Variants in ZBTB20 observed in about 807,000 individuals in gnomAD.
ZBTB20 encodes the protein zinc finger and BTB domain containing 20, also known as zinc finger and BTB domain-containing protein 20.
ZBTB20 carries 9 observed loss-of-function variants against 56.9 expected under a neutral mutation model. The ratio of observed to expected loss-of-function variants is 0.16; its 90% CI spans 0.10 to 0.28. ZBTB20 has a LOEUF of 0.28. Ranked by LOEUF, ZBTB20 falls within the 10% of genes least tolerant of loss-of-function variation. The pLI, the probability that ZBTB20 is intolerant of heterozygous loss-of-function variation, is 1.00. For missense variants in ZBTB20, 655 were observed against 1,003.0 expected (o/e 0.65, Z 4.69); for synonymous variants, 417 against 420.7 (o/e 0.99, Z 0.11).
intron 3 of ZBTB20, among the ~76,000 whole-genome samples, chr3:114,959,438 A>T (rs1269927607): frequency 6.6e-6 from 1 of 152,156 alleles, no homozygotes; most frequent in Non-Finnish European, 1.5e-5. Context: ...TGCCCACTGG[A>T]GTATACAGTT....
intron 2 of ZBTB20, among the ~76,000 whole-genome samples, chr3:115,035,544 A>AACAC (rs111286494): frequency 2.5e-3 from 371 of 147,956 alleles, no homozygotes; most frequent in African/African-American, 5.4e-3. Context: ...GCTACTATCA[A>AACAC]ACACACACAC....
chr3:114,560,510 A>C (rs948126519), intron 6 of ZBTB20, among the ~76,000 whole-genome samples: 1 of 152,208 alleles, frequency 6.6e-6, no homozygotes, highest in African/African-American at 2.4e-5. Context: ...CTTGGTAATG[A>C]GGGGTAAAAC....
rs574970549 is a variant in ZBTB20 at position 115,131,680 on chromosome 3, A to C, written c.-703+15539T>G. 5.3e-5 allele frequency among the ~76,000 whole-genome samples: 8 copies of C among 152,334 alleles called. No individual in the cohort carries two copies. In the South Asian group the frequency reaches 1.7e-3, roughly 32 times the overall value. On this transcript the variant is annotated intron_variant, in intron 1 of 11. Transcript: ENST00000675478. Reference sequence around the variant, plus strand: ...TATTTGCAAATCATATGCAAATTATAATTTTAATAGGTTTTTGGTAGTCTT... The same window carrying C: ...TATTTGCAAATCATATGCAAATTATCATTTTAATAGGTTTTTGGTAGTCTT...
In ZBTB20 at chr3:114,753,388, C is replaced by CGT. The variant is rs1560209627; in HGVS notation, c.-343+47712_-343+47713insAC. ...TGTATATATAATGTATATACACATA[C>CGT]ATGTATGTATATATATACACACACG... On this transcript the variant is annotated intron_variant, in intron 5 of 11. Coordinates refer to ENST00000675478, the MANE Select transcript of ZBTB20 (RefSeq NM_001348800.3). 1.7e-3 allele frequency among the ~76,000 whole-genome samples: 195 copies of CGT among 112,754 alleles called. 56 individuals carry two copies. The highest frequency in any genetic ancestry group is 0.014 in the East Asian group (51 of 3,714). The allele number at this position is 112,754 out of a possible 152,430, so 74.0% of individuals were successfully genotyped here.
At chr3:114,853,591 C>T (rs1277597126) in intron 4 of ZBTB20, among the ~76,000 whole-genome samples, 1 of 152,142 alleles carries the variant, frequency 6.6e-6, no homozygotes, top group Admixed American at 6.5e-5. Flanking sequence ...TGGACTAATC[C>T]CTTGTAAGGT....
chr3:115,004,866 A>G (rs2079400553), intron 2 of ZBTB20, among the ~76,000 whole-genome samples: 1 of 151,812 alleles, frequency 6.6e-6, no homozygotes, highest in South Asian at 2.1e-4. Context: ...TCTCTATGGT[A>G]CTGAAATTTC....
intron 2 of ZBTB20, among the ~76,000 whole-genome samples, chr3:114,986,675 A>T (rs2078559476): frequency 6.6e-6 from 1 of 152,134 alleles, no homozygotes; most frequent in Non-Finnish European, 1.5e-5. Context: ...TATAATAAAT[A>T]CACCTTTACC....
intron 3 of ZBTB20, among the ~76,000 whole-genome samples, chr3:114,950,699 C>G (rs927758415): frequency 1.3e-5 from 2 of 152,022 alleles, no homozygotes; most frequent in Non-Finnish European, 2.9e-5. Flanking sequence ...ATATGTAAAA[C>G]AAGACATGTA....
rs532863110 is a variant in ZBTB20, at chr3:114,324,765, G to T, written c.*14240C>A. ...TTACTTCTTTCTAAAGATTAGTCTA[G>T]AATTAGTTTGGGATGTGGCAATATT... On this transcript the variant is annotated 3_prime_UTR_variant, in exon 12 of 12. Coordinates refer to ENST00000675478, the MANE Select transcript of ZBTB20 (RefSeq NM_001348800.3). 2 of 152,296 alleles carry T rather than the reference G, an allele frequency of 1.3e-5. No individual in the cohort carries two copies. The highest frequency in any genetic ancestry group is 3.9e-4 in the East Asian group (2 of 5,186). The allele number at this position is 152,296 out of a possible 1,614,324, so 9.4% of individuals were successfully genotyped here. A position where few individuals can be genotyped will look rare whatever the true frequency, so the allele number is the denominator to read the frequency against.
At chr3:114,868,969 G>A (rs2075881624) in intron 4 of ZBTB20, among the ~76,000 whole-genome samples, 1 of 151,902 alleles carries the variant, frequency 6.6e-6, no homozygotes, top group Non-Finnish European at 1.5e-5. Context: ...TGTTTGTTCT[G>A]ATCAAATATC....
chr3:114,999,674 T>C (rs916055026), intron 2 of ZBTB20, among the ~76,000 whole-genome samples: 1 of 151,652 alleles, frequency 6.6e-6, no homozygotes, highest in Non-Finnish European at 1.5e-5. Flanking sequence ...AGGAAAAATA[T>C]AGTTGAATGA....
intron 1 of ZBTB20, among the ~76,000 whole-genome samples, chr3:115,146,987 C>T (rs2085012412): frequency 1.3e-5 from 2 of 149,138 alleles, no homozygotes; most frequent in Admixed American, 1.3e-4. Flanking sequence ...GGGGAGGGGG[C>T]GCGGGCGGGG....
chr3:114,444,343 T>C (rs2091128221), intron 7 of ZBTB20, among the ~76,000 whole-genome samples: 1 of 152,140 alleles, frequency 6.6e-6, no homozygotes, highest in Non-Finnish European at 1.5e-5. Context: ...CCAGAGTCTC[T>C]AGGGAGTACA....
intron 4 of ZBTB20, among the ~76,000 whole-genome samples, chr3:114,865,460 G>A (rs192026383): frequency 2.6e-5 from 4 of 152,110 alleles, no homozygotes; most frequent in Admixed American, 2.6e-4. Flanking sequence ...TCTATTAAAC[G>A]GGCAAGATAG....
chr3:114,661,247 T>C (rs1035395197), intron 6 of ZBTB20, among the ~76,000 whole-genome samples: 3 of 152,016 alleles, frequency 2.0e-5, no homozygotes, highest in African/African-American at 2.4e-5. Context: ...AACAGATTCA[T>C]AGTCTGGGCA....
At chr3:114,570,407 A>G (rs942369081) in intron 6 of ZBTB20, among the ~76,000 whole-genome samples, 2 of 150,834 alleles carry the variant, frequency 1.3e-5, no homozygotes, top group South Asian at 4.2e-4. Flanking sequence ...AATATATTGT[A>G]TAATACAATA....
At chr3:114,676,218 A>G (rs1177575566) in intron 6 of ZBTB20, among the ~76,000 whole-genome samples, 1 of 152,198 alleles carries the variant, frequency 6.6e-6, no homozygotes, top group Non-Finnish European at 1.5e-5. Context: ...TTACGTATTC[A>G]TTTGCACACC....
chr3:114,851,104 C>T (rs1290799916), intron 4 of ZBTB20, among the ~76,000 whole-genome samples: 1 of 152,172 alleles, frequency 6.6e-6, no homozygotes, highest in African/African-American at 2.4e-5. Context: ...GCCGAGTCAG[C>T]CTGTTTCTCT....
At chr3:115,093,342 T>G (rs2083266422) in intron 1 of ZBTB20, among the ~76,000 whole-genome samples, 1 of 152,192 alleles carries the variant, frequency 6.6e-6, no homozygotes, top group Non-Finnish European at 1.5e-5. Flanking sequence ...TAGGTATATT[T>G]TGAATGTGTT....
Sources: allele counts gnomAD v4.1 joint callset (sites outside exome capture counted in the v4.1 genomes callset), GRCh38; gene constraint gnomAD v4.1.1; transcripts MANE v1.5; gene names NCBI Gene and HGNC (gene_info 2026-07-23, HGNC 2026-07-21).